The following AGRN variants were observed in gnomAD, a reference collection of about 807,000 sequenced individuals.
AGRN encodes the protein agrin, also known as agrin proteoglycan.
In AGRN, 106 loss-of-function variants were observed where a neutral mutation model predicts 211.0. The observed-to-expected ratio is 0.50, with a 90% confidence interval of 0.43 to 0.59. The LOEUF (loss-of-function observed/expected upper bound fraction) is 0.59. AGRN is among the 20% of genes least tolerant of loss of function. The probability of loss-of-function intolerance (pLI) is 0.00; values close to 1 mark genes in which losing one functional copy is unlikely to be tolerated. For missense variants in AGRN, 3,040 were observed against 2,982.6 expected (o/e 1.02, Z -0.45); for synonymous variants, 1,525 against 1,332.5 (o/e 1.14, Z -3.15).
rs374127077 is a variant in AGRN at position 1,053,754 on chromosome 1, G to A, written c.5653G>A (p.Glu1885Lys). The A allele has an allele frequency of 3.1e-5, 49 of 1,600,992 alleles. 1 individual carries two copies. The highest frequency in any genetic ancestry group is 7.9e-5 in the South Asian group (7 of 88,658). The stretch of plus-strand genomic sequence containing the variant: ...CCTGACCTGCCCTCTGCCCTCCAGC[G>A]AGAAGGCACTGCAGAGCAACCACTT... ...VEYLNAVTES[E>K]KALQSNHFEL... Residue 1885 changes from glutamate (E) to lysine (K), a missense_variant and splice_region_variant, in exon 34 of 36, where the codon GAG becomes AAG. Glu to Lys is a moderately conservative substitution (Grantham distance 56). Coordinates refer to ENST00000379370, the MANE Select transcript of AGRN (RefSeq NM_198576.4).
intron 2 of AGRN, chr1:1,034,346 A>T: frequency 2.0e-6 from 2 of 985,376 alleles, no homozygotes; most frequent in Non-Finnish European, 2.4e-6. Context: ...ACTCCGGGAG[A>T]ATTCTGCCCT....
At position 1,048,950 on chromosome 1, in the gene AGRN, G is replaced by A. The variant is rs747547346; in HGVS notation, c.4189G>A (p.Ala1397Thr). The A allele has an allele frequency of 2.5e-6, 4 of 1,569,148 alleles. No homozygotes were observed. In the South Asian group the frequency reaches 3.5e-5, roughly 14 times the overall value. ...CCGCGCCTACCACACGCTGCGCCTG[G>A]CACTGGAATTCCGGGCGCTGGAGCC... is the stretch of plus-strand genomic sequence containing the variant. ...TLRAYHTLRL[A>T]LEFRALEPQG... Residue 1397 changes from alanine (A) to threonine (T), a missense_variant, in exon 24 of 36, where the codon GCA (alanine) becomes ACA (threonine). Around this residue, in one of 3 missense-constraint regions of AGRN, gnomAD observed 1,537 missense variants for 1,505.0 expected, o/e 1.02. Transcript: ENST00000379370. This position sits in a 1 kb window ranked among gnomAD's most constrained non-coding sequence, Gnocchi z 5.9.
At chr1:1,050,190 GC>G (rs755803469) in intron 27 of AGRN, 42 bp from the exon 28 acceptor site, 1 of 1,609,022 alleles carries the variant, frequency 6.2e-7, no homozygotes, top group South Asian at 1.1e-5. Flanking sequence ...GGTGCAGGAG[GC>G]CCCGGGGGTC....
intron 3 of AGRN, among the ~76,000 whole-genome samples, chr1:1,037,187 C>G (rs1185038603): frequency 2.0e-5 from 3 of 152,172 alleles, no homozygotes; most frequent in Non-Finnish European, 4.4e-5. Context: ...GCAAGAACTG[C>G]GTTTCCACCA....
chr1:1,045,183 G>A lies in AGRN; in HGVS notation c.2277G>A (p.Pro759=), dbSNP rs199985558. Residue 759 remains proline, a synonymous_variant, in exon 13 of 36, where the codon CCG becomes CCA. Coordinates refer to ENST00000379370, the MANE Select transcript of AGRN (RefSeq NM_198576.4). ...CAGGCCCCACCTTCGCCCCGCTGCCGCCTGTGGCCCCCTTACACTGTGCCC... is the reference window on the plus strand; with the variant it reads ...CAGGCCCCACCTTCGCCCCGCTGCCACCTGTGGCCCCCTTACACTGTGCCC... ...ACRGPTFAPL[P]PVAPLHCAQT... 3.2e-4 allele frequency: 513 copies of A among 1,612,402 alleles called. 1 individual carries two copies. Among genetic ancestry groups the A allele is most frequent in the Middle Eastern group, 1.2e-3 (7 of 5,854 alleles).
chr1:1,043,572 C>A lies in AGRN; in HGVS notation c.1638C>A (p.Cys546Ter). Reference protein sequence around the residue: ...RCGQCRFGALCEAETGRCVCP... With the variant: ...RCGQCRFGAL ...GGCAGTGCCGCTTTGGAGCCCTGTG[C>A]GAGGCCGAGACCGGGCGCTGCGTGT... Residue 546 changes from cysteine (C) to a stop codon, truncating the protein, a stop_gained, in exon 9 of 36, where the codon TGC becomes TGA. Coordinates refer to ENST00000379370, the MANE Select transcript of AGRN (RefSeq NM_198576.4). LOFTEE classifies it high-confidence loss of function. 1 of 1,605,050 alleles carries A rather than the reference C, an allele frequency of 6.2e-7. No individual in the cohort carries two copies.
intron 2 of AGRN, among the ~76,000 whole-genome samples, chr1:1,033,735 A>C (rs1051909937): frequency 2.9e-5 from 2 of 68,676 alleles, no homozygotes; most frequent in South Asian, 5.9e-4. Flanking sequence ...CTTCAGGCCC[A>C]CCCTCGGCCC....
In AGRN at chr1:1,046,244, C is replaced by T. The variant is rs1215921438; in HGVS notation, c.2890C>T (p.Gln964Ter). ...ACRQGLQISI[Q>*]SLGPCQEAVA... ...CCGCCAGGGCCTGCAAATCTCTATCCAGAGCCTGGGCCCGTGCCAGGGTGA... is the reference window on the plus strand; with the variant it reads ...CCGCCAGGGCCTGCAAATCTCTATCTAGAGCCTGGGCCCGTGCCAGGGTGA... Residue 964 changes from glutamine (Q) to a stop codon, truncating the protein, a stop_gained, in exon 17 of 36, where the codon CAG becomes TAG. Coordinates refer to ENST00000379370, the MANE Select transcript of AGRN (RefSeq NM_198576.4). LOFTEE classifies it high-confidence loss of function. 1 of 1,613,438 alleles carries T rather than the reference C, an allele frequency of 6.2e-7. No homozygotes were observed. Among genetic ancestry groups the T allele is most frequent in the Non-Finnish European group, 8.5e-7 (1 of 1,180,010 alleles).
chr1:1,031,383 AG>A lies in AGRN; in HGVS notation c.464-3891del, dbSNP rs977870153. 6.6e-6 allele frequency among the ~76,000 whole-genome samples: 1 copy of A among 152,156 alleles called. No individual in the cohort carries two copies. The highest frequency in any genetic ancestry group is 1.5e-5 in the Non-Finnish European group (1 of 68,018). Reference sequence around the variant, plus strand: ...GCACATGAGCCTGCGTGGGCTGGTCAGGGCTGAATGATTTTGTCTGAAGATC... The same window carrying A: ...GCACATGAGCCTGCGTGGGCTGGTCAGGCTGAATGATTTTGTCTGAAGATC... On this transcript the variant is annotated intron_variant, in intron 2 of 35. Coordinates refer to ENST00000379370, the MANE Select transcript of AGRN (RefSeq NM_198576.4). The surrounding 1 kb of genome is among the most constrained non-coding windows in gnomAD (Gnocchi z 4.8).
rs771421981 is a variant in AGRN, at chr1:1,050,605, G to C, written c.5141+14G>C. ...AGCGGTCATCAGGTGGGCCGGCAAGGGTGGCTCTGGGAGGCCTGGGGCACT... is the reference window on the plus strand; with the variant it reads ...AGCGGTCATCAGGTGGGCCGGCAAGCGTGGCTCTGGGAGGCCTGGGGCACT... On this transcript the variant is annotated intron_variant, in intron 29 of 35. Transcript: ENST00000379370. The C allele has an allele frequency of 5.0e-6, 8 of 1,606,768 alleles. No individual in the cohort carries two copies. The highest frequency in any genetic ancestry group is 6.8e-6 in the Non-Finnish European group (8 of 1,176,924).
rs899870806 is a variant in AGRN at position 1,023,781 on chromosome 1, G to A, written c.463+1319G>A. Among the ~76,000 whole-genome samples, 7 of 152,276 alleles carry A rather than the reference G, an allele frequency of 4.6e-5. No homozygotes were observed. In the South Asian group the frequency reaches 1.0e-3, roughly 23 times the overall value. On this transcript the variant is annotated intron_variant, in intron 2 of 35. Transcript: ENST00000379370. ...CGAGGCTCTGCATCTTACCGAAGCC[G>A]CTCTACGGGTGCCAGGCACTGGCTC...
rs757769063 is a variant in AGRN at position 1,044,104 on chromosome 1, C to G, written c.2000-5C>G. ...CCTGGGTGACTCTGCTCCCCTTCCC[C>G]GCAGCCGAGTGCGGTTCCGGAGGCT... On this transcript the variant is annotated splice_polypyrimidine_tract_variant and splice_region_variant and intron_variant, in intron 10 of 35. Coordinates refer to ENST00000379370, the MANE Select transcript of AGRN (RefSeq NM_198576.4). 6.2e-7 allele frequency: 1 copy of G among 1,613,224 alleles called. No individual in the cohort carries two copies. Among genetic ancestry groups the G allele is most frequent in the Admixed American group, 1.7e-5 (1 of 60,024 alleles).
rs1465399788 is a variant in AGRN at position 1,046,451 on chromosome 1, C to T, written c.2966C>T (p.Pro989Leu). 1 of 1,612,340 alleles carries T rather than the reference C, an allele frequency of 6.2e-7. No individual in the cohort carries two copies. The highest frequency in any genetic ancestry group is 8.5e-7 in the Non-Finnish European group (1 of 1,179,840). ...TCTGCCTCCGTGACTGTGACCACCCCAGGGCTCCTCCTGAGCCAGGCACTG... is the reference window on the plus strand; with the variant it reads ...TCTGCCTCCGTGACTGTGACCACCCTAGGGCTCCTCCTGAGCCAGGCACTG... ...PTSASVTVTT[P>L]GLLLSQALPA... is the part of the protein sequence containing the mutation. Residue 989 changes from proline to leucine, a missense_variant, in exon 18 of 36, where the codon CCA becomes CTA. Pro to Leu is a moderately conservative substitution (Grantham distance 98, BLOSUM62 -3). Transcript: ENST00000379370.
At chr1:1,021,618 C>T (rs138605419) in intron 1 of AGRN, among the ~76,000 whole-genome samples, 1,786 of 152,358 alleles carry the variant, frequency 0.012, 21 homozygotes, top group Admixed American at 0.026. Context: ...CACAGGCCAC[C>T]GTCAGAGCAG....
intron 3 of AGRN, among the ~76,000 whole-genome samples, chr1:1,039,861 G>A (rs1644887568): frequency 1.3e-5 from 2 of 152,066 alleles, no homozygotes. Flanking sequence ...CCCAGGGAGC[G>A]ATGGGAGGCT....
intron 30 of AGRN, 60 bp downstream of exon 30, chr1:1,050,897 C>T: frequency 8.6e-6 from 13 of 1,518,094 alleles, no homozygotes; most frequent in Admixed American, 6.0e-5. Context: ...CCTCGGGCGG[C>T]AGCCCCGCCC....
At chr1:1,028,202 G>A (rs564882455) in intron 2 of AGRN, among the ~76,000 whole-genome samples, 21 of 152,274 alleles carry the variant, frequency 1.4e-4, no homozygotes, top group East Asian at 3.9e-4. Flanking sequence ...GACACGGGGC[G>A]GAAGAGAGGG....
Position 1,054,820 on chromosome 1 carries a change from G to T in AGRN, c.5981-4G>T. 1 of 1,555,020 alleles carries T rather than the reference G, an allele frequency of 6.4e-7. No individual in the cohort carries two copies. The highest frequency in any genetic ancestry group is 8.7e-7 in the Non-Finnish European group (1 of 1,152,168). On this transcript the variant is annotated splice_polypyrimidine_tract_variant and splice_region_variant and intron_variant, in intron 35 of 35. Coordinates refer to ENST00000379370, the MANE Select transcript of AGRN (RefSeq NM_198576.4). The stretch of plus-strand genomic sequence containing the variant: ...CCGGGTGACTCCCACTGTCTGTGCT[G>T]CAGGGGGCCTGCCGGAGCTGCCCGT...
rs753038414 is a variant in AGRN, at chr1:1,042,158, G to C, written c.1380G>C (p.Pro460=). The change falls in exon 7 of 36, where the codon CCG becomes CCC. Residue 460 remains proline (P), a synonymous_variant. Coordinates refer to ENST00000379370, the MANE Select transcript of AGRN (RefSeq NM_198576.4). ...CCATCCCCAGCAAGCACCAGGGCCC[G>C]TGTGGTGAGCGCCCCGGGGTGGAGG... ...QRAIPSKHQG[P]CDQAPSPCLG... is the part of the protein sequence containing the mutation. 7.5e-6 allele frequency: 12 copies of C among 1,593,926 alleles called. No individual in the cohort carries two copies. The highest frequency in any genetic ancestry group is 9.4e-6 in the Non-Finnish European group (11 of 1,174,746).
Sources: allele counts gnomAD v4.1 joint callset (sites outside exome capture counted in the v4.1 genomes callset), GRCh38; gene constraint gnomAD v4.1.1; regional missense constraint gnomAD v4.1.1; non-coding constraint Gnocchi (gnomAD v3.1); transcripts MANE v1.5; gene names NCBI Gene and HGNC (gene_info 2026-07-23, HGNC 2026-07-21).